Variants in FHOD3 observed in about 807,000 individuals in gnomAD.
FHOD3 encodes FH1/FH2 domain-containing protein 3.
A neutral mutation model predicts 173.0 loss-of-function variants in FHOD3; 90 were observed. That is an observed-to-expected ratio of 0.52 (90% CI 0.44 to 0.62). The LOEUF (loss-of-function observed/expected upper bound fraction) is 0.62, where lower values mean the gene tolerates loss of function less well. Among genes scored for constraint, FHOD3 ranks in the 20% least tolerant of loss-of-function variants. FHOD3 has a pLI of 0.00. For missense variants in FHOD3, 1,945 were observed against 2,034.7 expected, an observed-to-expected ratio of 0.96 and a Z score of 0.85; for synonymous variants, 828 against 823.0, an observed-to-expected ratio of 1.01 and a Z score of -0.10.
intron 18 of FHOD3, among the ~76,000 whole-genome samples, chr18:36,717,246 G>A (rs1042611983): frequency 6.6e-6 from 1 of 152,086 alleles, no homozygotes; most frequent in South Asian, 2.1e-4. Flanking sequence ...AGAGAAGAGA[G>A]GGCTATGGAA....
intron 1 of FHOD3, among the ~76,000 whole-genome samples, chr18:36,326,877 T>A (rs1163651054): frequency 6.6e-6 from 1 of 152,210 alleles, no homozygotes; most frequent in African/African-American, 2.4e-5. Flanking sequence ...AAAGAGAGAC[T>A]CACCAGGAGC....
At chr18:36,560,197 G>A (rs1221661802) in intron 5 of FHOD3, among the ~76,000 whole-genome samples, 1 of 152,188 alleles carries the variant, frequency 6.6e-6, no homozygotes, top group African/African-American at 2.4e-5. Context: ...GTTCACTGCT[G>A]CTCCTTTCTG....
At chr18:36,696,584 T>C (rs1469561790) in intron 17 of FHOD3, among the ~76,000 whole-genome samples, 1 of 152,244 alleles carries the variant, frequency 6.6e-6, no homozygotes, top group Non-Finnish European at 1.5e-5. Flanking sequence ...GTGAGATCTC[T>C]CAGCCAAAAG....
intron 6 of FHOD3, 73 bp downstream of exon 6, chr18:36,576,618 T>C: frequency 8.2e-7 from 1 of 1,221,658 alleles, no homozygotes; most frequent in South Asian, 1.4e-5. Context: ...TCTGAGTCAG[T>C]TTTGCAGAAA....
intron 23 of FHOD3, among the ~76,000 whole-genome samples, chr18:36,744,804 G>T (rs552425463): frequency 3.3e-5 from 5 of 152,334 alleles, no homozygotes; most frequent in African/African-American, 1.2e-4. Context: ...TGGACACCTG[G>T]CTGCCTCTAG....
chr18:36,432,530 T>C (rs1175305912), intron 3 of FHOD3, among the ~76,000 whole-genome samples: 1 of 152,156 alleles, frequency 6.6e-6, no homozygotes, highest in Non-Finnish European at 1.5e-5. Flanking sequence ...GCTTCTAGAA[T>C]GGGCCTCTAA....
chr18:36,559,433 C>A (rs1296171453), intron 5 of FHOD3, among the ~76,000 whole-genome samples: 1 of 152,176 alleles, frequency 6.6e-6, no homozygotes, highest in East Asian at 1.9e-4. Flanking sequence ...CTGACTTTGC[C>A]CTTTCCTCCT....
In FHOD3 at chr18:36,373,489, C is replaced by T. The variant is rs927087919; in HGVS notation, c.337+745C>T. ...GGAGTGAAGGAAATTATTTCTGGTC[C>T]TTCCTTCACTCTGCTTCCCTATTGG... On this transcript the variant is annotated intron_variant, in intron 3 of 28. Coordinates refer to ENST00000590592, the MANE Select transcript of FHOD3 (RefSeq NM_001281740.3). Among the ~76,000 whole-genome samples, 3 of 152,270 alleles carry T rather than the reference C, an allele frequency of 2.0e-5. No homozygotes were observed. In the East Asian group the frequency reaches 5.8e-4, roughly 29 times the overall value.
At chr18:36,744,445 C>T (rs1159899706) in intron 23 of FHOD3, among the ~76,000 whole-genome samples, 2 of 152,250 alleles carry the variant, frequency 1.3e-5, no homozygotes, top group African/African-American at 4.8e-5. Flanking sequence ...CATCCCATTC[C>T]TAAACCCTGC....
chr18:36,441,781 C>T (rs148547581), intron 3 of FHOD3, among the ~76,000 whole-genome samples: 1 of 152,252 alleles, frequency 6.6e-6, no homozygotes, highest in Non-Finnish European at 1.5e-5. Context: ...GTGCCTGCCC[C>T]GTGGAACAAA....
At chr18:36,321,654 G>A (rs1191320488) in intron 1 of FHOD3, among the ~76,000 whole-genome samples, 1 of 152,204 alleles carries the variant, frequency 6.6e-6, no homozygotes, top group Non-Finnish European at 1.5e-5. Context: ...GGGAGAGGGA[G>A]TGGCAGACAC....
intron 3 of FHOD3, among the ~76,000 whole-genome samples, chr18:36,393,161 G>T (rs751137949): frequency 6.6e-6 from 1 of 152,228 alleles, no homozygotes; most frequent in Non-Finnish European, 1.5e-5. Flanking sequence ...CTTCTGGGAC[G>T]GCTGCAGGGC....
intron 14 of FHOD3, among the ~76,000 whole-genome samples, chr18:36,672,904 C>A (rs1209290532): frequency 6.6e-6 from 1 of 151,978 alleles, no homozygotes; most frequent in Non-Finnish European, 1.5e-5. Flanking sequence ...AACTAGTGTA[C>A]TTCCTCTTTT....
At chr18:36,340,292 G>A (rs2045545046) in intron 1 of FHOD3, among the ~76,000 whole-genome samples, 1 of 152,222 alleles carries the variant, frequency 6.6e-6, no homozygotes, top group Non-Finnish European at 1.5e-5. Flanking sequence ...CCACCTAGGA[G>A]TGATTTGCAC....
chr18:36,351,546 C>T (rs773768014), intron 1 of FHOD3, among the ~76,000 whole-genome samples: 1 of 152,136 alleles, frequency 6.6e-6, no homozygotes, highest in African/African-American at 2.4e-5. Flanking sequence ...TTATGTGTTC[C>T]TTGGTGCCCT....
At chr18:36,576,773 C>A (rs901982847) in intron 6 of FHOD3, among the ~76,000 whole-genome samples, 1 of 152,046 alleles carries the variant, frequency 6.6e-6, no homozygotes, top group African/African-American at 2.4e-5. Flanking sequence ...TAATCAAGTG[C>A]CTTTGGAACC....
chr18:36,439,915 C>T (rs1213249408), intron 3 of FHOD3, among the ~76,000 whole-genome samples: 1 of 152,240 alleles, frequency 6.6e-6, no homozygotes, highest in Admixed American at 6.5e-5. Flanking sequence ...CTCCCCATCC[C>T]CACAATGGTG....
intron 18 of FHOD3, among the ~76,000 whole-genome samples, chr18:36,714,334 C>T (rs1427245324): frequency 2.0e-5 from 3 of 151,978 alleles, no homozygotes; most frequent in East Asian, 1.9e-4. Flanking sequence ...TTCAGGGGTT[C>T]GAGACCAGCC....
intron 3 of FHOD3, among the ~76,000 whole-genome samples, chr18:36,437,073 A>G (rs1047099219): frequency 6.6e-6 from 1 of 152,170 alleles, no homozygotes; most frequent in African/African-American, 2.4e-5. Context: ...ATATTGGTAT[A>G]TGATGTTTTT....
Sources: gnomAD v4.1 joint callset for allele counts (sites outside exome capture counted in the v4.1 genomes callset) on GRCh38, gnomAD v4.1.1 for gene constraint, MANE v1.5 for transcripts, NCBI Gene and HGNC (gene_info 2026-07-23, HGNC 2026-07-21) for gene names.